RELN: variants seen among roughly 807,000 people sequenced by gnomAD.
RELN encodes the protein reelin.
Under a neutral mutation model 427.6 loss-of-function variants are expected in RELN, and 108 were observed. The ratio of observed to expected loss-of-function variants is 0.25; its 90% confidence interval spans 0.22 to 0.30. The LOEUF is 0.30. Among genes scored for constraint, RELN ranks in the 10% least tolerant of loss-of-function variants. The probability of loss-of-function intolerance (pLI) is 1.00; values close to 1 mark genes in which losing one functional copy is unlikely to be tolerated. For synonymous variants in RELN, 1,524 were observed against 1,513.4 expected, an observed-to-expected ratio of 1.01 and a Z score of -0.16; for missense variants, 3,715 against 4,302.8, an observed-to-expected ratio of 0.86 and a Z score of 3.82.
intron 38 of RELN, among the ~76,000 whole-genome samples, chr7:103,555,602 G>T (rs1330581484): frequency 1.3e-5 from 2 of 152,134 alleles, no homozygotes; most frequent in Admixed American, 1.3e-4. Context: ...CTCCCAAGTA[G>T]CTGGGATTAC....
In RELN at chr7:103,572,335, T is replaced by C. The variant is rs362811; in HGVS notation, c.4512-75A>G. ...TGTAAGCATTAGCGTTTTGACACATTAGAAAAAAACCCTCCTGTATTTATT... is the reference window on the plus strand; with the variant it reads ...TGTAAGCATTAGCGTTTTGACACATCAGAAAAAAACCCTCCTGTATTTATT... On this transcript the variant is annotated intron_variant, in intron 30 of 64. Transcript: ENST00000428762. 1,611 of 826,592 alleles carry C rather than the reference T, an allele frequency of 1.9e-3. 3 individuals are homozygous for C. Among genetic ancestry groups the C allele is most frequent in the Middle Eastern group, 4.2e-3 (13 of 3,108 alleles). 51.2% of individuals were successfully genotyped at this position (826,592 alleles called of 1,614,324 possible). A position where few individuals can be genotyped will look rare whatever the true frequency, so the allele number is the denominator to read the frequency against.
At chr7:103,897,000 G>A (rs538774026) in intron 2 of RELN, among the ~76,000 whole-genome samples, 2 of 152,008 alleles carry the variant, frequency 1.3e-5, no homozygotes, top group Non-Finnish European at 2.9e-5. Context: ...AGGAGCAAAG[G>A]TATGTCTTAC....
chr7:103,897,269 A>G (rs1477059143), intron 2 of RELN, among the ~76,000 whole-genome samples: 1 of 152,136 alleles, frequency 6.6e-6, no homozygotes, highest in East Asian at 1.9e-4. Context: ...AACACACAAT[A>G]TAAAACCATG....
At chr7:103,786,273 A>G (rs1792012531) in intron 3 of RELN, among the ~76,000 whole-genome samples, 1 of 151,956 alleles carries the variant, frequency 6.6e-6, no homozygotes, top group African/African-American at 2.4e-5. Flanking sequence ...TAAATCATAT[A>G]CCCTTGTAGT....
At chr7:103,622,893 C>G (rs1832251675) in intron 20 of RELN, among the ~76,000 whole-genome samples, 1 of 152,318 alleles carries the variant, frequency 6.6e-6, no homozygotes, top group African/African-American at 2.4e-5. Flanking sequence ...ATCTTCGTCT[C>G]CAACACTAAT....
At chr7:103,709,132 T>C (rs1312939286) in intron 8 of RELN, among the ~76,000 whole-genome samples, 2 of 152,014 alleles carry the variant, frequency 1.3e-5, no homozygotes, top group East Asian at 1.9e-4. Flanking sequence ...ATAATACTAT[T>C]ATTATTATTA....
At chr7:103,850,524 A>G (rs1244010921) in intron 2 of RELN, among the ~76,000 whole-genome samples, 1 of 152,172 alleles carries the variant, frequency 6.6e-6, no homozygotes, top group East Asian at 1.9e-4. Flanking sequence ...GAGGAGCAGA[A>G]GGTAAAACTC....
At chr7:103,884,735 G>A (rs1382711515) in intron 2 of RELN, among the ~76,000 whole-genome samples, 9 of 152,086 alleles carry the variant, frequency 5.9e-5, no homozygotes, top group Admixed American at 3.9e-4. Flanking sequence ...ACAATGAGAT[G>A]TCATCTCATC....
intron 8 of RELN, among the ~76,000 whole-genome samples, chr7:103,704,492 C>T (rs1834159108): frequency 6.6e-6 from 1 of 152,132 alleles, no homozygotes; most frequent in African/African-American, 2.4e-5. Context: ...CCTCCTCTTA[C>T]AGTGGATGAA....
intron 10 of RELN, among the ~76,000 whole-genome samples, chr7:103,686,697 C>A (rs1270360221): frequency 6.6e-6 from 1 of 152,080 alleles, no homozygotes; most frequent in African/African-American, 2.4e-5. Flanking sequence ...TTATAGTCTA[C>A]ATATTATTGT....
chr7:103,737,956 T>C (rs146135453), intron 6 of RELN, among the ~76,000 whole-genome samples: 154 of 152,108 alleles, frequency 1.0e-3, no homozygotes, highest in Non-Finnish European at 1.8e-3. Flanking sequence ...TGTGGCTTTC[T>C]TGATGTTTCA....
intron 22 of RELN, 80 bp downstream of exon 22, chr7:103,610,615 T>C: frequency 1.2e-6 from 1 of 800,276 alleles, no homozygotes; most frequent in Non-Finnish European, 2.3e-6. Context: ...CAAGTCATAC[T>C]TGAATCAATA....
At chr7:103,794,330 A>G (rs1792244702) in intron 3 of RELN, among the ~76,000 whole-genome samples, 1 of 152,138 alleles carries the variant, frequency 6.6e-6, no homozygotes, top group African/African-American at 2.4e-5. Context: ...TATGAGTAGG[A>G]CAGATTTCAT....
chr7:103,703,285 G>A (rs1834131552), intron 8 of RELN, among the ~76,000 whole-genome samples: 1 of 152,188 alleles, frequency 6.6e-6, no homozygotes, highest in Non-Finnish European at 1.5e-5. Flanking sequence ...CCCGCCCGGT[G>A]TAGCTGTATG....
intron 2 of RELN, among the ~76,000 whole-genome samples, chr7:103,854,689 G>T (rs1281362860): frequency 3.3e-5 from 5 of 152,160 alleles, no homozygotes; most frequent in Non-Finnish European, 2.9e-5. Flanking sequence ...ATGGGAATAA[G>T]AATACAAAAG....
At chr7:103,712,745 T>A (rs985775963) in intron 8 of RELN, among the ~76,000 whole-genome samples, 6 of 152,220 alleles carry the variant, frequency 3.9e-5, no homozygotes, top group African/African-American at 1.4e-4. Flanking sequence ...GATATCTCCA[T>A]GTTTTTTGTA....
chr7:103,872,267 T>C (rs1466100151), intron 2 of RELN, among the ~76,000 whole-genome samples: 32 of 122,294 alleles, frequency 2.6e-4, no homozygotes, highest in African/African-American at 9.3e-4. Flanking sequence ...CCTGTGTCCA[T>C]GTGATCTCAT....
chr7:103,797,418 G>A (rs1447924634), intron 3 of RELN, among the ~76,000 whole-genome samples: 1 of 152,086 alleles, frequency 6.6e-6, no homozygotes, highest in African/African-American at 2.4e-5. Flanking sequence ...AATCATTTTA[G>A]ACTGATGGAA....
intron 6 of RELN, among the ~76,000 whole-genome samples, chr7:103,745,875 G>A (rs149804940): frequency 6.6e-6 from 1 of 151,976 alleles, no homozygotes; most frequent in Non-Finnish European, 1.5e-5. Flanking sequence ...CCAACCCAAT[G>A]AAGCTACCAA....
Sources: gnomAD v4.1 joint callset for allele counts (sites outside exome capture counted in the v4.1 genomes callset) on GRCh38, gnomAD v4.1.1 for gene constraint, MANE v1.5 for transcripts, NCBI Gene and HGNC (gene_info 2026-07-23, HGNC 2026-07-21) for gene names.